HIVEP2: variants seen among roughly 807,000 people sequenced by gnomAD.
The protein encoded by HIVEP2 is transcription factor HIVEP2.
HIVEP2 carries 14 observed loss-of-function variants against 180.7 expected under a neutral mutation model. The ratio of observed to expected loss-of-function variants is 0.08; its 90% CI spans 0.05 to 0.12. HIVEP2 has a LOEUF of 0.12. Ranked by LOEUF, HIVEP2 falls within the 10% of genes least tolerant of loss-of-function variation. The pLI, the probability that HIVEP2 is intolerant of heterozygous loss-of-function variation, is 1.00. For missense variants in HIVEP2, 2,579 were observed against 3,008.5 expected, an observed-to-expected ratio of 0.86 and a Z score of 3.34; for synonymous variants, 1,184 against 1,136.4, an observed-to-expected ratio of 1.04 and a Z score of -0.84.
chr6:142,862,754 ATATAT>A (rs1016847954), intron 1 of HIVEP2, among the ~76,000 whole-genome samples: 3 of 136,978 alleles, frequency 2.2e-5, no homozygotes, highest in Non-Finnish European at 3.0e-5. Flanking sequence ...TATACATTAC[ATATAT>A]TATGTAATAT....
intron 2 of HIVEP2, among the ~76,000 whole-genome samples, chr6:142,823,368 G>A (rs891846523): frequency 3.3e-5 from 5 of 152,160 alleles, no homozygotes; most frequent in Admixed American, 2.0e-4. Flanking sequence ...AAGCCCCGAG[G>A]GAAATGCTTC....
upstream of HIVEP2, chr6:142,945,220 C>T (rs1778295493): frequency 6.6e-6 from 1 of 151,854 alleles, no homozygotes; most frequent in Admixed American, 6.6e-5. This position sits in a 1 kb window ranked among gnomAD's most constrained non-coding sequence, Gnocchi z 5.5. Context: ...GCGGCCCCCT[C>T]CCCCCAGGAC....
intron 1 of HIVEP2, among the ~76,000 whole-genome samples, chr6:142,859,368 G>A (rs1159688956): frequency 1.3e-5 from 2 of 151,730 alleles, no homozygotes; most frequent in African/African-American, 4.8e-5. Flanking sequence ...GGCTGAGATG[G>A]GAGGATCACT....
chr6:142,850,414 C>T (rs1016458789), intron 1 of HIVEP2, among the ~76,000 whole-genome samples: 2 of 152,040 alleles, frequency 1.3e-5, no homozygotes, highest in African/African-American at 4.8e-5. Flanking sequence ...GCTGTTCTGT[C>T]GAATAAATCA....
intron 2 of HIVEP2, among the ~76,000 whole-genome samples, chr6:142,812,009 C>G (rs574702087): frequency 1.1e-4 from 16 of 152,262 alleles, no homozygotes; most frequent in African/African-American, 3.6e-4. Flanking sequence ...GAGGTGAACT[C>G]TACAATTGCC....
rs763791974 is a variant in HIVEP2 at position 142,760,159 on chromosome 6, G to C, written c.6129C>G (p.Ser2043Arg). 3 of 1,614,132 alleles carry C rather than the reference G, an allele frequency of 1.9e-6. No individual in the cohort carries two copies. The highest frequency in any genetic ancestry group is 1.1e-5 in the South Asian group (1 of 91,078). Residue 2043 changes from serine (S) to arginine (R), a missense_variant, in exon 9 of 10, where the codon AGC becomes AGG. Around this residue, in one of 11 missense-constraint regions of HIVEP2, gnomAD observed 660 missense variants for 731.7 expected, o/e 0.90. Coordinates refer to ENST00000367603, the MANE Select transcript of HIVEP2 (RefSeq NM_006734.4). The stretch of plus-strand genomic sequence containing the variant: ...AATCATATCCTGGAGAGGAATGGTG[G>C]CTTGAGGGTGAGAAGTCCCTGGGAG... ...SSSPRDFSPS[S>R]HHSSPGYDSS...
At chr6:142,858,574 ATTTT>A (rs1369387486) in intron 1 of HIVEP2, among the ~76,000 whole-genome samples, 1 of 151,470 alleles carries the variant, frequency 6.6e-6, no homozygotes, top group African/African-American at 2.4e-5. Flanking sequence ...CTGCCCTCTT[ATTTT>A]TTTATTTTTT....
chr6:142,756,381 C>T (rs1775068772), intron 9 of HIVEP2, among the ~76,000 whole-genome samples: 2 of 152,190 alleles, frequency 1.3e-5, no homozygotes, highest in African/African-American at 4.8e-5. Context: ...AAGGTGCTGA[C>T]ATGCCAGCAG....
In HIVEP2 at chr6:142,751,632, C is replaced by G. The variant is rs1470100759; in HGVS notation, c.*1475G>C. The G allele has an allele frequency of 1.3e-5, 2 of 152,574 alleles. No individual in the cohort carries two copies. Among genetic ancestry groups the G allele is most frequent in the Admixed American group, 1.3e-4 (2 of 15,272 alleles). 9.5% of individuals were successfully genotyped at this position (152,574 alleles called of 1,614,324 possible). On this transcript the variant is annotated 3_prime_UTR_variant, in exon 10 of 10. Transcript: ENST00000367603. ...GTGCGTGCCTGTGCACATGTTGCTG[C>G]ACCCCTCCCTCTCTTTCACTCTTCT...
chr6:142,775,468 C>T (rs78711624), intron 4 of HIVEP2, among the ~76,000 whole-genome samples: 404 of 152,090 alleles, frequency 2.7e-3, no homozygotes, highest in Non-Finnish European at 4.0e-3. Flanking sequence ...AGAGCTATTC[C>T]TAACCAAGTT....
chr6:142,823,931 T>C (rs529937825), intron 2 of HIVEP2, among the ~76,000 whole-genome samples: 1 of 152,354 alleles, frequency 6.6e-6, no homozygotes, highest in Admixed American at 6.5e-5. Context: ...CATTTTAATA[T>C]AGATTTATTT....
chr6:142,788,048 A>G (rs764187465), intron 2 of HIVEP2: 6 of 152,246 alleles, frequency 3.9e-5, no homozygotes, highest in Admixed American at 6.5e-5. Flanking sequence ...GTGCAGGAGC[A>G]CAGAAAAGAT....
intron 1 of HIVEP2, among the ~76,000 whole-genome samples, chr6:142,858,227 G>A (rs778763357): frequency 1.8e-4 from 28 of 152,242 alleles, no homozygotes; most frequent in Middle Eastern, 3.4e-3. Context: ...TTCAAGAGGA[G>A]TTTGAAGTAT....
chr6:142,774,370 C>A lies in HIVEP2; in HGVS notation c.369G>T (p.Pro123=), dbSNP rs759456725. The A allele has an allele frequency of 6.2e-7, 1 of 1,614,170 alleles. No individual in the cohort carries two copies. Among genetic ancestry groups the A allele is most frequent in the East Asian group, 2.2e-5 (1 of 44,880 alleles). ...ATGGCAAAGGGCCAGGGAAAAGCCACGGAGGACCTTCGAGGCTCTGATGTG... is the reference window on the plus strand; with the variant it reads ...ATGGCAAAGGGCCAGGGAAAAGCCAAGGAGGACCTTCGAGGCTCTGATGTG... ...TKPHQSLEGP[P]WLFPGPLPSV... is the part of the protein sequence containing the mutation. The change falls in exon 5 of 10, where the codon CCG becomes CCT. Residue 123 remains proline, a synonymous_variant. Transcript: ENST00000367603. This position sits in a 1 kb window ranked among gnomAD's most constrained non-coding sequence, Gnocchi z 5.1.
intron 1 of HIVEP2, among the ~76,000 whole-genome samples, chr6:142,855,188 C>A (rs534172375): frequency 6.6e-6 from 1 of 152,278 alleles, no homozygotes; most frequent in East Asian, 1.9e-4. Context: ...ATAGATGAAC[C>A]ACCCACGTGG....
At chr6:142,873,498 T>C (rs543506771) in intron 1 of HIVEP2, among the ~76,000 whole-genome samples, 5 of 152,348 alleles carry the variant, frequency 3.3e-5, no homozygotes, top group South Asian at 4.1e-4. Flanking sequence ...AAGTGTCTTT[T>C]ATGTTATTAA....
intron 2 of HIVEP2, among the ~76,000 whole-genome samples, chr6:142,830,261 A>C (rs1184564750): frequency 6.6e-6 from 1 of 152,154 alleles, no homozygotes; most frequent in Non-Finnish European, 1.5e-5. Context: ...GAAACACATC[A>C]GAGAAAAAGA....
At chr6:142,846,583 A>G (rs767996932) in intron 1 of HIVEP2, among the ~76,000 whole-genome samples, 31 of 152,194 alleles carry the variant, frequency 2.0e-4, no homozygotes, top group Non-Finnish European at 3.1e-4. Context: ...AGTTTTATTG[A>G]TTTCACAGGG....
chr6:142,789,289 T>C (rs1351406446), intron 2 of HIVEP2, among the ~76,000 whole-genome samples: 1 of 152,258 alleles, frequency 6.6e-6, no homozygotes, highest in East Asian at 1.9e-4. Flanking sequence ...ATTCTGCATC[T>C]TGGCTGTGCT....
Sources: allele counts gnomAD v4.1 joint callset (sites outside exome capture counted in the v4.1 genomes callset), GRCh38; gene constraint gnomAD v4.1.1; regional missense constraint gnomAD v4.1.1; non-coding constraint Gnocchi (gnomAD v3.1); transcripts MANE v1.5; gene names NCBI Gene and HGNC (gene_info 2026-07-23, HGNC 2026-07-21).